The following COL4A4 variants were observed in gnomAD, a reference collection of about 807,000 sequenced individuals.
COL4A4 encodes the protein collagen alpha-4(IV) chain.
Under a neutral mutation model 192.9 loss-of-function variants are expected in COL4A4, and 105 were observed. The ratio of observed to expected loss-of-function variants is 0.54; its 90% CI spans 0.46 to 0.64. The LOEUF is 0.64. COL4A4 is among the 30% of genes least tolerant of loss of function. The pLI is 0.00. For missense variants in COL4A4, 1,967 were observed against 2,169.3 expected (o/e 0.91, Z 1.85); for synonymous variants, 762 against 769.9 (o/e 0.99, Z 0.17).
chr2:227,150,618 T>C (rs1253910584), intron 1 of COL4A4, among the ~76,000 whole-genome samples: 59 of 152,202 alleles, frequency 3.9e-4, no homozygotes, highest in Admixed American at 3.8e-3. Context: ...GATTAATTGA[T>C]TTGCATTTCC....
intron 20 of COL4A4, among the ~76,000 whole-genome samples, chr2:227,092,493 T>C (rs2059994415): frequency 6.6e-6 from 1 of 152,152 alleles, no homozygotes; most frequent in Admixed American, 6.5e-5. Context: ...TGACCTAATC[T>C]GAACAACTCA....
At chr2:227,074,153 G>A (rs1046738565) in intron 25 of COL4A4, among the ~76,000 whole-genome samples, 28 of 151,888 alleles carry the variant, frequency 1.8e-4, no homozygotes, top group African/African-American at 4.1e-4. Flanking sequence ...CTATGCATCC[G>A]ACAAAGGGCC....
intron 22 of COL4A4, among the ~76,000 whole-genome samples, chr2:227,086,081 A>G (rs373786406): frequency 2.0e-5 from 3 of 152,236 alleles, no homozygotes; most frequent in East Asian, 1.9e-4. Context: ...AAGCTGGTCC[A>G]CTTGCTCCTA....
chr2:227,085,645 G>A (rs563086298), intron 22 of COL4A4, among the ~76,000 whole-genome samples: 2 of 152,258 alleles, frequency 1.3e-5, no homozygotes, highest in Admixed American at 1.3e-4. Flanking sequence ...GAGCAAGAGA[G>A]GAAAGCAGGA....
intron 44 of COL4A4, among the ~76,000 whole-genome samples, chr2:227,017,862 G>T (rs1380692753): frequency 6.6e-6 from 1 of 152,124 alleles, no homozygotes; most frequent in Non-Finnish European, 1.5e-5. Context: ...GTAAACTCAT[G>T]TCATGGAGGT....
intron 44 of COL4A4, among the ~76,000 whole-genome samples, chr2:227,019,743 C>T (rs1383568993): frequency 2.0e-5 from 3 of 152,264 alleles, no homozygotes; most frequent in Admixed American, 2.0e-4. Context: ...TCTCAGCTCA[C>T]TGCAACCTCT....
intron 18 of COL4A4, among the ~76,000 whole-genome samples, chr2:227,099,133 C>T (rs979729477): frequency 3.9e-5 from 6 of 152,144 alleles, no homozygotes; most frequent in African/African-American, 1.2e-4. Context: ...AGTGCATGAT[C>T]TCAGCTCACT....
intron 37 of COL4A4, among the ~76,000 whole-genome samples, chr2:227,039,267 A>T (rs1233909073): frequency 6.6e-6 from 1 of 152,138 alleles, no homozygotes; most frequent in East Asian, 1.9e-4. Context: ...CCTGGGTTCT[A>T]GCAATTCTTC....
chr2:227,115,885 G>T (rs1270305591), intron 7 of COL4A4, among the ~76,000 whole-genome samples: 1 of 151,084 alleles, frequency 6.6e-6, no homozygotes, highest in East Asian at 1.9e-4. Flanking sequence ...AGTCACCATT[G>T]TGTATTGAGT....
chr2:226,971,796 A>AT, the COL4A4 span, among the ~76,000 whole-genome samples: 27 of 148,618 alleles, frequency 1.8e-4, no homozygotes, highest in South Asian at 1.3e-3. Flanking sequence ...TTGAGATATG[A>AT]TTTTTTTTTT....
the COL4A4 span, among the ~76,000 whole-genome samples, chr2:226,978,792 A>C: frequency 6.6e-6 from 1 of 152,198 alleles, no homozygotes; most frequent in Non-Finnish European, 1.5e-5. Flanking sequence ...ATCAGAGGAC[A>C]CAGTCACTTC....
At chr2:227,034,942 C>T (rs557947830) in intron 37 of COL4A4, among the ~76,000 whole-genome samples, 1 of 152,104 alleles carries the variant, frequency 6.6e-6, no homozygotes, top group Non-Finnish European at 1.5e-5. Context: ...TATAGAGCCT[C>T]TCGGTGCACA....
chr2:227,096,739 G>C (rs1372026941), intron 19 of COL4A4, among the ~76,000 whole-genome samples: 2 of 152,148 alleles, frequency 1.3e-5, no homozygotes, highest in African/African-American at 4.8e-5. Context: ...TTGCAAGTAG[G>C]AGAAATTGGA....
intron 34 of COL4A4, among the ~76,000 whole-genome samples, chr2:227,048,373 T>C (rs1426845409): frequency 6.6e-6 from 1 of 152,190 alleles, no homozygotes; most frequent in African/African-American, 2.4e-5. Context: ...AAACAAGTCT[T>C]TCCTTGAGAA....
intron 4 of COL4A4, among the ~76,000 whole-genome samples, chr2:227,122,729 G>A (rs919714188): frequency 1.2e-4 from 18 of 152,194 alleles, no homozygotes; most frequent in Non-Finnish European, 1.6e-4. Context: ...CGCATAGCAT[G>A]AAGGCCAGAG....
chr2:227,043,049 G>A lies in COL4A4; in HGVS notation c.3397+28C>T. Reference sequence around the variant, plus strand: ...CACTCTGAGACACAAGAGTGCTCAGGAAGTCTCCAGATTTCCTTTCAAGGT... The same window carrying A: ...CACTCTGAGACACAAGAGTGCTCAGAAAGTCTCCAGATTTCCTTTCAAGGT... On this transcript the variant is annotated intron_variant, in intron 36 of 47. Coordinates refer to ENST00000396625, the MANE Select transcript of COL4A4 (RefSeq NM_000092.5). 4 of 1,511,148 alleles carry A rather than the reference G, an allele frequency of 2.6e-6. No individual in the cohort carries two copies. In the East Asian group the frequency reaches 6.8e-5, roughly 26 times the overall value. The allele number at this position is 1,511,148 out of a possible 1,614,324, so 93.6% of individuals were successfully genotyped here.
chr2:227,151,150 A>G (rs2063914331), intron 1 of COL4A4, among the ~76,000 whole-genome samples: 1 of 152,132 alleles, frequency 6.6e-6, no homozygotes, highest in Non-Finnish European at 1.5e-5. Flanking sequence ...TTTCCATTCC[A>G]TTCCCCCACA....
chr2:227,052,666 A>G (rs1192979167), intron 31 of COL4A4, among the ~76,000 whole-genome samples: 1 of 152,220 alleles, frequency 6.6e-6, no homozygotes, highest in Admixed American at 6.5e-5. Flanking sequence ...GCCAAATTCA[A>G]CCAAACTGGT....
intron 1 of COL4A4, among the ~76,000 whole-genome samples, chr2:227,150,158 A>G (rs188746812): frequency 8.5e-5 from 13 of 152,294 alleles, no homozygotes; most frequent in African/African-American, 3.1e-4. Context: ...AGTATATTTA[A>G]TAGGGGATAT....
Sources: allele counts gnomAD v4.1 joint callset (sites outside exome capture counted in the v4.1 genomes callset), GRCh38; gene constraint gnomAD v4.1.1; transcripts MANE v1.5; gene names NCBI Gene and HGNC (gene_info 2026-07-23, HGNC 2026-07-21).